Variants in GLCE observed in about 807,000 individuals in gnomAD.
GLCE encodes the protein D-glucuronyl C5-epimerase.
In GLCE, 19 loss-of-function variants were observed where a neutral mutation model predicts 47.9. That is an observed-to-expected ratio of 0.40 (90% CI 0.28 to 0.58). The LOEUF (loss-of-function observed/expected upper bound fraction) is 0.58, where lower values mean the gene tolerates loss of function less well. Ranked by LOEUF, GLCE falls within the 20% of genes least tolerant of loss-of-function variation. The pLI, the probability that GLCE is intolerant of heterozygous loss-of-function variation, is 0.48. For missense variants in GLCE, 556 were observed against 743.3 expected, an observed-to-expected ratio of 0.75 and a Z score of 2.93; for synonymous variants, 245 against 263.4, an observed-to-expected ratio of 0.93 and a Z score of 0.68.
intron 1 of GLCE, among the ~76,000 whole-genome samples, chr15:69,190,433 A>G (rs1216244322): frequency 6.6e-6 from 1 of 152,004 alleles, no homozygotes; most frequent in African/African-American, 2.4e-5. Context: ...TGTGCTTGTA[A>G]TTTTATCAGG....
At chr15:69,250,489 A>T (rs2052823834) in intron 2 of GLCE, among the ~76,000 whole-genome samples, 1 of 151,920 alleles carries the variant, frequency 6.6e-6, no homozygotes, top group Admixed American at 6.6e-5. Flanking sequence ...AACAAAGTTA[A>T]CCTTCCCCTT....
chr15:69,207,211 A>G (rs2052164782), intron 1 of GLCE, among the ~76,000 whole-genome samples: 2 of 152,108 alleles, frequency 1.3e-5, no homozygotes, highest in African/African-American at 4.8e-5. Flanking sequence ...TTCATTTGTC[A>G]TGGACTGCAT....
intron 2 of GLCE, among the ~76,000 whole-genome samples, chr15:69,218,213 A>C (rs2052333465): frequency 6.7e-6 from 1 of 150,310 alleles, no homozygotes; most frequent in African/African-American, 2.4e-5. Context: ...TGCTTCTTCT[A>C]AGACTAGAAA....
rs187920316 is a variant in GLCE, at chr15:69,163,540, A to G, written c.-105+2783A>G. Among the ~76,000 whole-genome samples the G allele has an allele frequency of 4.2e-3, 637 of 152,328 alleles. 2 individuals are homozygous for G. Among genetic ancestry groups the G allele is most frequent in the Non-Finnish European group, 7.2e-3 (493 of 68,022 alleles). The stretch of plus-strand genomic sequence containing the variant: ...TTAACTGCCTTCTGAATTAGTAAAG[A>G]AAGATTAAATTACAATCAGTAGAGT... On this transcript the variant is annotated intron_variant, in intron 1 of 4. Transcript: ENST00000261858.
chr15:69,265,061 C>T (rs1346956857), intron 4 of GLCE, among the ~76,000 whole-genome samples: 2 of 151,948 alleles, frequency 1.3e-5, no homozygotes, highest in Admixed American at 6.6e-5. Context: ...TTTTTCTGTG[C>T]CCCTTTTGCT....
At chr15:69,237,262 T>G (rs1414750179) in intron 2 of GLCE, among the ~76,000 whole-genome samples, 2 of 152,136 alleles carry the variant, frequency 1.3e-5, no homozygotes, top group Non-Finnish European at 2.9e-5. Context: ...CAAAACTGCA[T>G]TCTATATAAA....
intron 2 of GLCE, among the ~76,000 whole-genome samples, chr15:69,214,833 T>C (rs1181945000): frequency 6.6e-6 from 1 of 152,200 alleles, no homozygotes; most frequent in East Asian, 1.9e-4. Flanking sequence ...TATAGTAGTT[T>C]CCAAATTGCT....
chr15:69,198,037 G>A (rs117307170), intron 1 of GLCE, among the ~76,000 whole-genome samples: 2,261 of 152,176 alleles, frequency 0.015, 26 homozygotes, highest in Non-Finnish European at 0.024. Flanking sequence ...CCCTTTTAAA[G>A]AACATCAGTG....
rs371241193 is a variant in GLCE at position 69,256,061 on chromosome 15, C to T, written c.255C>T (p.Pro85=). Reference sequence around the variant, plus strand: ...TCCCTCAGGAACAGCAGAAAGCACCCCCTGTTGTTGGGGGCTTCAATAGCA... The same window carrying T: ...TCCCTCAGGAACAGCAGAAAGCACCTCCTGTTGTTGGGGGCTTCAATAGCA... ...EAFPQEQQKA[P]PVVGGFNSNV... Residue 85 remains proline, a synonymous_variant, in exon 3 of 5, where the codon CCC becomes CCT. Transcript: ENST00000261858. 6.2e-7 allele frequency: 1 copy of T among 1,613,846 alleles called. No homozygotes were observed. Among genetic ancestry groups the T allele is most frequent in the Non-Finnish European group, 8.5e-7 (1 of 1,179,964 alleles).
intron 3 of GLCE, among the ~76,000 whole-genome samples, chr15:69,256,827 C>T (rs1025633014): frequency 6.6e-6 from 1 of 152,148 alleles, no homozygotes; most frequent in African/African-American, 2.4e-5. Flanking sequence ...CAGAACAAGA[C>T]AATATGTAGA....
intron 1 of GLCE, among the ~76,000 whole-genome samples, chr15:69,181,409 T>C (rs1287389552): frequency 6.6e-6 from 1 of 151,996 alleles, no homozygotes; most frequent in Non-Finnish European, 1.5e-5. Flanking sequence ...CATTTAAAGT[T>C]TGGGAAATGA....
chr15:69,184,618 A>G (rs765436700), intron 1 of GLCE, among the ~76,000 whole-genome samples: 4 of 152,226 alleles, frequency 2.6e-5, no homozygotes, highest in Non-Finnish European at 5.9e-5. Flanking sequence ...AGAAAGCCCA[A>G]TTCAAACAAC....
intron 1 of GLCE, among the ~76,000 whole-genome samples, chr15:69,162,435 G>A (rs1364637975): frequency 2.0e-5 from 3 of 152,040 alleles, no homozygotes; most frequent in African/African-American, 4.8e-5. Context: ...AGTGAAGTCC[G>A]TACTCAGAGC....
At chr15:69,199,853 A>T (rs1308579379) in intron 1 of GLCE, among the ~76,000 whole-genome samples, 1 of 152,162 alleles carries the variant, frequency 6.6e-6, no homozygotes, top group Non-Finnish European at 1.5e-5. Context: ...CAGGTGATTC[A>T]TGCATCATAG....
In GLCE at chr15:69,220,390, A is replaced by G. The variant is rs2052363498; in HGVS notation, c.-14+9984A>G. Among the ~76,000 whole-genome samples, 6 of 152,204 alleles carry G rather than the reference A, an allele frequency of 3.9e-5. No homozygotes were observed. In the South Asian group the frequency reaches 1.0e-3, roughly 26 times the overall value. ...CAAACCTGCACATGTAAGTGGCTGT[A>G]CAATTTTACATTCTCATCAACACTG... On this transcript the variant is annotated intron_variant, in intron 2 of 4. Coordinates refer to ENST00000261858, the MANE Select transcript of GLCE (RefSeq NM_015554.3).
intron 2 of GLCE, among the ~76,000 whole-genome samples, chr15:69,228,375 C>G (rs1409034812): frequency 6.6e-6 from 1 of 152,036 alleles, no homozygotes; most frequent in African/African-American, 2.4e-5. Context: ...GTTTTAAGGT[C>G]TTAGAGTTAG....
rs533086568 is a variant in GLCE at position 69,204,247 on chromosome 15, T to TAA, written c.-104-6064_-104-6063dup. Among the ~76,000 whole-genome samples the TAA allele has an allele frequency of 2.6e-3, 384 of 149,736 alleles. 2 individuals are homozygous for TAA. The highest frequency in any genetic ancestry group is 8.4e-3 in the African/African-American group (343 of 40,848). On this transcript the variant is annotated intron_variant, in intron 1 of 4. Coordinates refer to ENST00000261858, the MANE Select transcript of GLCE (RefSeq NM_015554.3). ...AATAAAGCGACTATTTTTTCCCTGA[T>TAA]AAAAAAGTTAGAAACAAATGATTGT... is the stretch of plus-strand genomic sequence containing the variant.
At chr15:69,221,577 A>AG (rs60538659) in intron 2 of GLCE, among the ~76,000 whole-genome samples, 19 of 151,736 alleles carry the variant, frequency 1.3e-4, no homozygotes, top group African/African-American at 4.6e-4. Context: ...ATTAAAAAAA[A>AG]TTAGGCTGGG....
chr15:69,244,874 A>G (rs2052725119), intron 2 of GLCE, among the ~76,000 whole-genome samples: 1 of 152,210 alleles, frequency 6.6e-6, no homozygotes, highest in African/African-American at 2.4e-5. Context: ...ATAATTTACT[A>G]TAGGAATACA....
Sources: gnomAD v4.1 joint callset for allele counts (sites outside exome capture counted in the v4.1 genomes callset) on GRCh38, gnomAD v4.1.1 for gene constraint, MANE v1.5 for transcripts, NCBI Gene and HGNC (gene_info 2026-07-23, HGNC 2026-07-21) for gene names.